The following TAFA2 variants were observed in gnomAD, a reference collection of about 807,000 sequenced individuals.
TAFA2 encodes the protein chemokine-like protein TAFA-2.
In TAFA2, 7 loss-of-function variants were observed where a neutral mutation model predicts 18.8. That is an observed-to-expected ratio of 0.37 (90% CI 0.21 to 0.70). The LOEUF is 0.70. Ranked by LOEUF, TAFA2 falls within the 30% of genes least tolerant of loss-of-function variation. The pLI, the probability that TAFA2 is intolerant of heterozygous loss-of-function variation, is 0.53. For synonymous variants in TAFA2, 60 were observed against 54.2 expected, an observed-to-expected ratio of 1.11 and a Z score of -0.47; for missense variants, 122 against 158.1, an observed-to-expected ratio of 0.77 and a Z score of 1.23.
chr12:62,122,686 T>C (rs1028732339), intron 1 of TAFA2, among the ~76,000 whole-genome samples: 8 of 152,200 alleles, frequency 5.3e-5, no homozygotes, highest in Admixed American at 4.6e-4. Flanking sequence ...TTCCTCTCAA[T>C]GAGTGATTGA....
intron 1 of TAFA2, among the ~76,000 whole-genome samples, chr12:62,014,105 T>C (rs962840287): frequency 2.0e-5 from 3 of 152,216 alleles, no homozygotes; most frequent in Non-Finnish European, 2.9e-5. Context: ...CACTGGGCTA[T>C]ATAAACACAC....
At chr12:61,877,528 A>C (rs1460673790) in intron 1 of TAFA2, among the ~76,000 whole-genome samples, 1 of 152,166 alleles carries the variant, frequency 6.6e-6, no homozygotes, top group Non-Finnish European at 1.5e-5. Context: ...TATTTTCAAA[A>C]AATTCTCCAA....
rs921206212 is a variant in TAFA2, at chr12:61,790,913, C to T, written c.107-35889G>A. On this transcript the variant is annotated intron_variant, in intron 2 of 4. Coordinates refer to ENST00000416284, the MANE Select transcript of TAFA2 (RefSeq NM_178539.5). ...AAGACCCTGAATAGCCACACCAATA[C>T]TAAGAGGGGAAAACCTAGAGGCATC... is the stretch of plus-strand genomic sequence containing the variant. Among the ~76,000 whole-genome samples the T allele has an allele frequency of 9.2e-5, 14 of 151,652 alleles. No individual in the cohort carries two copies. In the South Asian group the frequency reaches 2.9e-3, roughly 32 times the overall value.
At chr12:61,751,867 T>C (rs1283845720) in intron 4 of TAFA2, among the ~76,000 whole-genome samples, 1 of 152,018 alleles carries the variant, frequency 6.6e-6, no homozygotes, top group Admixed American at 6.6e-5. Flanking sequence ...TTCCAAATTT[T>C]TTTTTTTCCA....
intron 1 of TAFA2, among the ~76,000 whole-genome samples, chr12:61,904,940 A>G (rs1398865889): frequency 6.6e-6 from 1 of 152,194 alleles, no homozygotes; most frequent in Non-Finnish European, 1.5e-5. Flanking sequence ...GATTTTACCA[A>G]TGAAGATGTT....
intron 1 of TAFA2, among the ~76,000 whole-genome samples, chr12:62,120,660 A>G (rs1422245535): frequency 6.6e-6 from 1 of 152,116 alleles, no homozygotes; most frequent in East Asian, 1.9e-4. Flanking sequence ...ACCCAACAGC[A>G]TGACCAGCTT....
chr12:62,016,011 T>C (rs1198771705), intron 1 of TAFA2, among the ~76,000 whole-genome samples: 1 of 152,098 alleles, frequency 6.6e-6, no homozygotes, highest in Non-Finnish European at 1.5e-5. Flanking sequence ...GCCACCAAAT[T>C]GTACACTGAA....
intron 1 of TAFA2, among the ~76,000 whole-genome samples, chr12:62,096,254 G>A (rs1868943615): frequency 6.6e-6 from 1 of 151,954 alleles, no homozygotes; most frequent in Admixed American, 6.6e-5. Flanking sequence ...TAGATTGTGA[G>A]GTACTCTTTC....
intron 2 of TAFA2, among the ~76,000 whole-genome samples, chr12:61,800,836 GA>G (rs1159794684): frequency 6.6e-6 from 1 of 152,116 alleles, no homozygotes; most frequent in African/African-American, 2.4e-5. Flanking sequence ...CCTTTATGGA[GA>G]AAAGTCCTTT....
intron 2 of TAFA2, among the ~76,000 whole-genome samples, chr12:61,755,513 G>C (rs1442605204): frequency 6.6e-6 from 1 of 152,084 alleles, no homozygotes; most frequent in Non-Finnish European, 1.5e-5. Flanking sequence ...GCACCCACAT[G>C]CTCAGTATTC....
intron 1 of TAFA2, among the ~76,000 whole-genome samples, chr12:62,061,177 C>T (rs1882338485): frequency 1.3e-5 from 2 of 152,204 alleles, no homozygotes. Flanking sequence ...CACCTTCTCT[C>T]ATTACTCACT....
chr12:62,230,279 T>C (rs1478507277), intron 1 of TAFA2, among the ~76,000 whole-genome samples: 8 of 152,152 alleles, frequency 5.3e-5, no homozygotes, highest in African/African-American at 1.7e-4. Flanking sequence ...GCTTTTCTTA[T>C]GATCCTTGTG....
intron 2 of TAFA2, among the ~76,000 whole-genome samples, chr12:61,850,985 AT>A (rs1041526544): frequency 3.3e-5 from 5 of 152,192 alleles, no homozygotes; most frequent in Non-Finnish European, 5.9e-5. Context: ...TCTATTCAAC[AT>A]TTTGAAATAT....
At chr12:61,899,789 CT>C (rs1294272441) in intron 1 of TAFA2, among the ~76,000 whole-genome samples, 4 of 152,112 alleles carry the variant, frequency 2.6e-5, no homozygotes, top group African/African-American at 9.7e-5. Flanking sequence ...GACTTTTTTG[CT>C]TGTCATTATT....
At chr12:62,142,449 ACAT>A (rs2062246585) in intron 1 of TAFA2, among the ~76,000 whole-genome samples, 1 of 152,178 alleles carries the variant, frequency 6.6e-6, no homozygotes, top group African/African-American at 2.4e-5. Flanking sequence ...TCACTCCATG[ACAT>A]CATGTTTCAG....
In TAFA2 at chr12:61,710,263, G is replaced by T; in HGVS notation, c.*143C>A. The T allele has an allele frequency of 2.9e-6, 2 of 700,292 alleles. No individual in the cohort carries two copies. Among genetic ancestry groups the T allele is most frequent in the Non-Finnish European group, 5.0e-6 (2 of 399,548 alleles). The allele number at this position is 700,292 out of a possible 1,614,324, so 43.4% of individuals were successfully genotyped here. A position where few individuals can be genotyped will look rare whatever the true frequency, so the allele number is the denominator to read the frequency against. On this transcript the variant is annotated 3_prime_UTR_variant, in exon 5 of 5. Coordinates refer to ENST00000416284, the MANE Select transcript of TAFA2 (RefSeq NM_178539.5). ...TAAAAAGTCTTGATTTCAAGAAGAGGCCATGAAATCCCTTGGAAATAGACT... is the reference window on the plus strand; with the variant it reads ...TAAAAAGTCTTGATTTCAAGAAGAGTCCATGAAATCCCTTGGAAATAGACT...
intron 1 of TAFA2, among the ~76,000 whole-genome samples, chr12:62,150,282 T>C (rs2062318444): frequency 1.3e-5 from 2 of 152,244 alleles, no homozygotes; most frequent in Admixed American, 1.3e-4. Context: ...GATCTTTCTG[T>C]ATATGGACCT....
At chr12:62,115,867 C>T (rs1187879983) in intron 1 of TAFA2, among the ~76,000 whole-genome samples, 2 of 152,142 alleles carry the variant, frequency 1.3e-5, no homozygotes, top group South Asian at 2.1e-4. Flanking sequence ...AGCCCCATTA[C>T]GTCTAGCTGG....
intron 1 of TAFA2, among the ~76,000 whole-genome samples, chr12:62,200,739 C>G (rs2062667665): frequency 6.6e-6 from 1 of 152,066 alleles, no homozygotes; most frequent in Non-Finnish European, 1.5e-5. Context: ...TATATGGGCT[C>G]TTTTTTGGAT....
Sources: gnomAD v4.1 joint callset for allele counts (sites outside exome capture counted in the v4.1 genomes callset) on GRCh38, gnomAD v4.1.1 for gene constraint, MANE v1.5 for transcripts, NCBI Gene and HGNC (gene_info 2026-07-23, HGNC 2026-07-21) for gene names.